The following POR variants were observed in gnomAD, a reference collection of about 807,000 sequenced individuals.
POR encodes NADPH--cytochrome P450 reductase.
POR carries 56 observed loss-of-function variants against 84.0 expected under a neutral mutation model. The ratio of observed to expected loss-of-function variants is 0.67; its 90% CI spans 0.54 to 0.83. The LOEUF (loss-of-function observed/expected upper bound fraction) is 0.83. Ranked by LOEUF, POR falls within the 40% of genes least tolerant of loss-of-function variation. The pLI, the probability that POR is intolerant of heterozygous loss-of-function variation, is 0.00. For missense variants in POR, 938 were observed against 944.3 expected (o/e 0.99, Z 0.09); for synonymous variants, 414 against 400.5 (o/e 1.03, Z -0.40).
At chr7:75,920,316 C>T (rs895252548) in intron 1 of POR, among the ~76,000 whole-genome samples, 1 of 151,826 alleles carries the variant, frequency 6.6e-6, no homozygotes, top group Non-Finnish European at 1.5e-5. Context: ...GTGATCCACC[C>T]GCCTCAGCCT....
At chr7:75,958,743 G>C (rs1443887984) in intron 2 of POR, among the ~76,000 whole-genome samples, 1 of 152,060 alleles carries the variant, frequency 6.6e-6, no homozygotes, top group East Asian at 1.9e-4. Flanking sequence ...GCTTAGGGAG[G>C]CTGAGGCACA....
chr7:75,985,272 G>A (rs1421706387), intron 12 of POR, 65 bp downstream of exon 12: 4 of 1,483,222 alleles, frequency 2.7e-6, no homozygotes, highest in Non-Finnish European at 3.6e-6. Flanking sequence ...AGCAGGCAGA[G>A]TGCAAGGCGG....
chr7:75,972,916 G>A (rs532866303), intron 3 of POR, among the ~76,000 whole-genome samples: 10 of 151,890 alleles, frequency 6.6e-5, no homozygotes, highest in Middle Eastern at 3.4e-3. Flanking sequence ...TCCACCTCCC[G>A]GGTTCAAGCC....
intron 3 of POR, among the ~76,000 whole-genome samples, chr7:75,975,492 T>C (rs1266376989): frequency 6.6e-6 from 1 of 151,954 alleles, no homozygotes; most frequent in Admixed American, 6.6e-5. Context: ...ATAGAAAAAT[T>C]AGTGGGACAC....
At chr7:75,939,344 C>T (rs931921250) in intron 1 of POR, among the ~76,000 whole-genome samples, 2 of 152,180 alleles carry the variant, frequency 1.3e-5, no homozygotes, top group African/African-American at 2.4e-5. Context: ...CACAGGCCAG[C>T]GGAGCCCTCG....
intron 1 of POR, among the ~76,000 whole-genome samples, chr7:75,929,239 G>A (rs1475080790): frequency 1.3e-5 from 2 of 152,140 alleles, no homozygotes; most frequent in Non-Finnish European, 2.9e-5. Flanking sequence ...AGGTCACAGA[G>A]ATGACCTAGA....
intron 2 of POR, among the ~76,000 whole-genome samples, chr7:75,962,211 C>T (rs1554554606): frequency 6.6e-6 from 1 of 152,180 alleles, no homozygotes; most frequent in African/African-American, 2.4e-5. Context: ...AAACAAGACC[C>T]ATACACTGCA....
intron 1 of POR, among the ~76,000 whole-genome samples, chr7:75,944,739 TA>T (rs1340536563): frequency 2.0e-5 from 3 of 152,060 alleles, no homozygotes; most frequent in Admixed American, 6.6e-5. Flanking sequence ...AACCGAAATA[TA>T]CAATAGTCAA....
At chr7:75,923,429 A>C in intron 1 of POR, 1 of 605,686 alleles carries the variant, frequency 1.7e-6, no homozygotes. Flanking sequence ...CAATCAGCTC[A>C]TCCGCCAGCT....
chr7:75,982,528 C>T (rs1487818861), intron 8 of POR, among the ~76,000 whole-genome samples: 3 of 152,234 alleles, frequency 2.0e-5, no homozygotes, highest in East Asian at 1.9e-4. Context: ...CACTTAGCCA[C>T]CTTACTCTGC....
At position 75,919,382 on chromosome 7, in the gene POR, C is replaced by CGTGTGT. The variant is rs56136603; in HGVS notation, c.-5+4224_-5+4229dup. On this transcript the variant is annotated intron_variant, in intron 1 of 15. Transcript: ENST00000461988. The stretch of plus-strand genomic sequence containing the variant: ...ACACGCCTGTCTGCATCTGTGCGTG[C>CGTGTGT]GTGTGTGTGTGTGTGTGTGTGTGTG... Among the ~76,000 whole-genome samples, 1,082 of 146,518 alleles carry CGTGTGT rather than the reference C, an allele frequency of 7.4e-3. 12 individuals are homozygous for CGTGTGT. Among genetic ancestry groups the CGTGTGT allele is most frequent in the African/African-American group, 0.024 (955 of 39,744 alleles).
At position 75,954,152 on chromosome 7, in the gene POR, G is replaced by A. The variant is rs781950100; in HGVS notation, c.160G>A (p.Val54Ile). The stretch of plus-strand genomic sequence containing the variant: ...CCTCTTCAGAAAGAAAAAAGAAGAA[G>A]TCCCCGAGTTCACCAAAATTCAGAC... Residue 54 changes from valine (V) to isoleucine (I), a missense_variant, in exon 2 of 16, where the codon GTC (valine) becomes ATC (isoleucine). Val to Ile is a conservative substitution (Grantham distance 29, BLOSUM62 3). Transcript: ENST00000461988. 1.9e-6 allele frequency: 3 copies of A among 1,612,026 alleles called. No homozygotes were observed. In the East Asian group the frequency reaches 6.7e-5, roughly 36 times the overall value.
rs1563430231 is a variant in POR at position 75,980,745 on chromosome 7, AC to A, written c.516+258del. On this transcript the variant is annotated intron_variant, in intron 5 of 15. Coordinates refer to ENST00000461988, the MANE Select transcript of POR (RefSeq NM_000941.3). ...AAGGCAAGAAAGGTCTGGCTGGACG[AC>A]TGAGACCTGCCTGGCCTCGGAGAGC... is the stretch of plus-strand genomic sequence containing the variant. 4.1e-6 allele frequency: 6 copies of A among 1,470,712 alleles called. No homozygotes were observed. The Admixed American group carries it at 8.5e-5, about 21-fold the overall frequency. The allele number at this position is 1,470,712 out of a possible 1,614,324, so 91.1% of individuals were successfully genotyped here. A position where few individuals can be genotyped will look rare whatever the true frequency, so the allele number is the denominator to read the frequency against.
rs192347867 is a variant in POR, at chr7:75,936,071, A to G, written c.-4-17918A>G. 6.1e-3 allele frequency among the ~76,000 whole-genome samples: 854 copies of G among 139,926 alleles called. 7 individuals carry two copies. The highest frequency in any genetic ancestry group is 0.021 in the African/African-American group (808 of 37,736). The allele number at this position is 139,926 out of a possible 152,430, so 91.8% of individuals were successfully genotyped here. A position where few individuals can be genotyped will look rare whatever the true frequency, so the allele number is the denominator to read the frequency against. On this transcript the variant is annotated intron_variant, in intron 1 of 15. Coordinates refer to ENST00000461988, the MANE Select transcript of POR (RefSeq NM_000941.3). ...TAGGATTAACTTTTCCAGTGTCTTT[A>G]CTGTTTCTTTCTTTCTTTTTTTTTT...
At chr7:75,980,618 T>C in intron 5 of POR, 130 bp downstream of exon 5, 1 of 1,590,118 alleles carries the variant, frequency 6.3e-7, no homozygotes, top group Non-Finnish European at 8.5e-7. Flanking sequence ...GCAGGCCACT[T>C]GTGAGACCCT....
intron 2 of POR, 104 bp from the exon 3 acceptor site, chr7:75,972,309 C>A: frequency 9.7e-7 from 1 of 1,028,938 alleles, no homozygotes; most frequent in Non-Finnish European, 1.5e-6. Flanking sequence ...CCCTGTGCTG[C>A]CACAGCATCC....
In POR at chr7:75,985,903, C is replaced by A. The variant is rs1335012473; in HGVS notation, c.1670-20C>A. 1.0e-5 allele frequency: 16 copies of A among 1,569,720 alleles called. No individual in the cohort carries two copies. In the Admixed American group the frequency reaches 2.0e-4, roughly 20 times the overall value. ...GTGACGACTGGGAGCCCCGCGCTCA[C>A]CCCGGCCCCTGCCACGCAGGCAAGG... On this transcript the variant is annotated intron_variant, in intron 13 of 15. Transcript: ENST00000461988.
At chr7:75,930,541 C>G (rs1807361329) in intron 1 of POR, among the ~76,000 whole-genome samples, 1 of 152,136 alleles carries the variant, frequency 6.6e-6, no homozygotes, top group South Asian at 2.1e-4. Flanking sequence ...AACGTTTATA[C>G]TGATGGAGTC....
intron 3 of POR, among the ~76,000 whole-genome samples, chr7:75,973,174 A>T (rs1788517049): frequency 6.6e-6 from 1 of 152,216 alleles, no homozygotes; most frequent in Admixed American, 6.5e-5. Context: ...TAGTTAAAAT[A>T]AAAACATCCA....
Sources: allele counts gnomAD v4.1 joint callset (sites outside exome capture counted in the v4.1 genomes callset), GRCh38; gene constraint gnomAD v4.1.1; transcripts MANE v1.5; gene names NCBI Gene and HGNC (gene_info 2026-07-23, HGNC 2026-07-21).